Variants in RETREG1 observed in about 807,000 individuals in gnomAD.
RETREG1 encodes family with sequence similarity 134 member B.
In RETREG1, 44 loss-of-function variants were observed where a neutral mutation model predicts 54.8. That is an observed-to-expected ratio of 0.80 (90% CI 0.63 to 1.03). The LOEUF is 1.03. Among genes scored for constraint, RETREG1 ranks in the 50% least tolerant of loss-of-function variants. RETREG1 has a pLI of 0.00. For missense variants in RETREG1, 554 were observed against 605.1 expected (o/e 0.92, Z 0.89); for synonymous variants, 217 against 238.5 (o/e 0.91, Z 0.83).
intron 1 of RETREG1, among the ~76,000 whole-genome samples, chr5:16,583,499 T>C (rs1406355098): frequency 6.6e-6 from 1 of 151,866 alleles, no homozygotes; most frequent in Non-Finnish European, 1.5e-5. Flanking sequence ...TCTCAATATA[T>C]ATATTTTACA....
chr5:16,548,710 C>G (rs373891957), intron 3 of RETREG1, among the ~76,000 whole-genome samples: 2 of 152,206 alleles, frequency 1.3e-5, no homozygotes, highest in South Asian at 4.1e-4. Flanking sequence ...ACTGTTATAA[C>G]CTTCTTGACT....
intron 3 of RETREG1, among the ~76,000 whole-genome samples, chr5:16,524,457 A>C (rs1740635512): frequency 6.6e-6 from 1 of 152,224 alleles, no homozygotes; most frequent in South Asian, 2.1e-4. Context: ...TCCAAGGTTT[A>C]AAATAGAAAG....
In RETREG1 at chr5:16,594,431, A is replaced by G. The variant is rs908993184; in HGVS notation, c.320+22221T>C. ...TAAGAAAAAAAGTTAAACGCTTAACATAGCATTTTTCAGTTGGGCGTGGTG... is the reference window on the plus strand; with the variant it reads ...TAAGAAAAAAAGTTAAACGCTTAACGTAGCATTTTTCAGTTGGGCGTGGTG... On this transcript the variant is annotated intron_variant, in intron 1 of 8. Coordinates refer to ENST00000306320, the MANE Select transcript of RETREG1 (RefSeq NM_001034850.3). The surrounding 1 kb of genome is among the most constrained non-coding windows in gnomAD (Gnocchi z 4.4). Among the ~76,000 whole-genome samples the G allele has an allele frequency of 9.9e-5, 15 of 152,224 alleles. No individual in the cohort carries two copies. The highest frequency in any genetic ancestry group is 9.8e-4 in the Admixed American group (15 of 15,282).
chr5:16,590,551 AAAAG>A (rs1742735448), intron 1 of RETREG1, among the ~76,000 whole-genome samples: 1 of 152,218 alleles, frequency 6.6e-6, no homozygotes, highest in Non-Finnish European at 1.5e-5. Context: ...ATGATTCTGA[AAAAG>A]AACCCCTAGC....
rs115629665 is a variant in RETREG1, at chr5:16,525,556, T to C, written c.458+40207A>G. On this transcript the variant is annotated intron_variant, in intron 3 of 8. Coordinates refer to ENST00000306320, the MANE Select transcript of RETREG1 (RefSeq NM_001034850.3). ...CAAGTCAGCTGGGAAACAGGCTTAA[T>C]CGGATGAGATGGCGTCTTCCTCTGC... Among the ~76,000 whole-genome samples the C allele has an allele frequency of 5.6e-3, 851 of 152,210 alleles. 11 individuals carry two copies. The highest frequency in any genetic ancestry group is 0.019 in the African/African-American group (792 of 41,522).
chr5:16,485,967 C>T (rs1033576863), intron 3 of RETREG1, among the ~76,000 whole-genome samples: 16 of 152,102 alleles, frequency 1.1e-4, no homozygotes, highest in Non-Finnish European at 2.1e-4. Context: ...AATATGCAAT[C>T]TTTGACTATC....
chr5:16,579,598 T>C (rs947183112), intron 1 of RETREG1, among the ~76,000 whole-genome samples: 2 of 152,238 alleles, frequency 1.3e-5, no homozygotes, highest in Admixed American at 6.5e-5. Flanking sequence ...AAGTCCCCTG[T>C]CCTCCATCTA....
At chr5:16,609,036 T>C (rs932682440) in intron 1 of RETREG1, among the ~76,000 whole-genome samples, 1 of 152,202 alleles carries the variant, frequency 6.6e-6, no homozygotes, top group Non-Finnish European at 1.5e-5. Context: ...ACTAGCCTTG[T>C]GTGGCTATTT....
At chr5:16,539,697 T>C (rs16868760) in intron 3 of RETREG1, among the ~76,000 whole-genome samples, 14,601 of 152,194 alleles carry the variant, frequency 0.096, 932 homozygotes, top group African/African-American at 0.17. Context: ...GACTTCACTA[T>C]TGCTAAGGGC....
In RETREG1 at chr5:16,561,103, GT is replaced by G. The variant is rs1741842828; in HGVS notation, c.458+4659del. The stretch of plus-strand genomic sequence containing the variant: ...AACCTGAGGCCGAAAGAGAAGTGAA[GT>G]TGGCAGGACCACGAGCTGCAGGGTT... On this transcript the variant is annotated intron_variant, in intron 3 of 8. Coordinates refer to ENST00000306320, the MANE Select transcript of RETREG1 (RefSeq NM_001034850.3). This position sits in a 1 kb window ranked among gnomAD's most constrained non-coding sequence, Gnocchi z 4.2. 6.6e-6 allele frequency among the ~76,000 whole-genome samples: 1 copy of G among 152,182 alleles called. No homozygotes were observed. Among genetic ancestry groups the G allele is most frequent in the African/African-American group, 2.4e-5 (1 of 41,436 alleles).
chr5:16,595,265 A>G (rs1013643228), intron 1 of RETREG1, among the ~76,000 whole-genome samples: 1 of 152,122 alleles, frequency 6.6e-6, no homozygotes, highest in African/African-American at 2.4e-5. Flanking sequence ...TTCACCAGAA[A>G]GATCTTTTTT....
intron 1 of RETREG1, among the ~76,000 whole-genome samples, chr5:16,578,592 C>T (rs760893850): frequency 4.6e-5 from 7 of 152,178 alleles, no homozygotes; most frequent in African/African-American, 7.2e-5. Context: ...CTGGAAGGAG[C>T]TCAGAGGTCA....
intron 1 of RETREG1, among the ~76,000 whole-genome samples, chr5:16,589,443 C>T (rs1054160932): frequency 9.2e-5 from 14 of 152,014 alleles, no homozygotes; most frequent in African/African-American, 3.1e-4. Flanking sequence ...GGTGCCATCT[C>T]GGCTCACTGC....
chr5:16,490,071 C>A (rs1739186343), intron 3 of RETREG1, among the ~76,000 whole-genome samples: 1 of 151,924 alleles, frequency 6.6e-6, no homozygotes, highest in Non-Finnish European at 1.5e-5. Context: ...AGATAGGAAA[C>A]CTGGAGTAGA....
intron 2 of RETREG1, among the ~76,000 whole-genome samples, chr5:16,569,174 A>G (rs1164973295): frequency 6.6e-6 from 1 of 152,254 alleles, no homozygotes; most frequent in Non-Finnish European, 1.5e-5. Flanking sequence ...AGGGCTCCCC[A>G]ATGGGCCTTT....
intron 3 of RETREG1, among the ~76,000 whole-genome samples, chr5:16,534,420 C>T (rs963733661): frequency 1.6e-4 from 24 of 152,212 alleles, no homozygotes; most frequent in African/African-American, 5.8e-4. Flanking sequence ...CAGTGTGTAC[C>T]AGCCAGACAG....
chr5:16,477,765 T>C lies in RETREG1; in HGVS notation c.897A>G (p.Lys299=), dbSNP rs763393297. 6.2e-7 allele frequency: 1 copy of C among 1,613,466 alleles called. No homozygotes were observed. Among genetic ancestry groups the C allele is most frequent in the South Asian group, 1.1e-5 (1 of 91,066 alleles). ...CPKISLTVAA[K]ELSVSDTDVS... Reference sequence around the variant, plus strand: ...CGTCTGTGTCAGACACAGATAACTCTTTGGCAGCAACCGTGAGGCTAATCT... The same window carrying C: ...CGTCTGTGTCAGACACAGATAACTCCTTGGCAGCAACCGTGAGGCTAATCT... Residue 299 remains lysine (K), a synonymous_variant, in exon 8 of 9, where the codon AAA becomes AAG. Transcript: ENST00000306320.
chr5:16,615,219 A>G (rs1410862029), intron 1 of RETREG1, among the ~76,000 whole-genome samples: 1 of 151,972 alleles, frequency 6.6e-6, no homozygotes, highest in Non-Finnish European at 1.5e-5. Context: ...AACACGGTGA[A>G]ACCCCGTCTC....
intron 3 of RETREG1, among the ~76,000 whole-genome samples, chr5:16,507,231 C>G (rs1739994873): frequency 6.6e-6 from 1 of 152,144 alleles, no homozygotes; most frequent in African/African-American, 2.4e-5. Context: ...ATATGTACTG[C>G]ACATATCAAA....
Sources: gnomAD v4.1 joint callset for allele counts (sites outside exome capture counted in the v4.1 genomes callset) on GRCh38, gnomAD v4.1.1 for gene constraint, Gnocchi (gnomAD v3.1) non-coding constraint, MANE v1.5 for transcripts, NCBI Gene and HGNC (gene_info 2026-07-23, HGNC 2026-07-21) for gene names.